The following MZT1 variants were observed in gnomAD, a reference collection of about 807,000 sequenced individuals.
MZT1 encodes mitotic-spindle organizing protein 1.
Under a neutral mutation model 8.5 loss-of-function variants are expected in MZT1, and 8 were observed. That is an observed-to-expected ratio of 0.94 (90% CI 0.55 to 1.70). The LOEUF is 1.70. Among genes scored for constraint, MZT1 ranks in the 40% most tolerant of loss-of-function variants. The pLI is 0.00. For missense variants in MZT1, 93 were observed against 108.6 expected, an observed-to-expected ratio of 0.86 and a Z score of 0.64; for synonymous variants, 38 against 42.0, an observed-to-expected ratio of 0.90 and a Z score of 0.37.
chr13:72,725,427 CTTTCA>C (rs1441998302), intron 1 of MZT1, among the ~76,000 whole-genome samples: 1 of 152,160 alleles, frequency 6.6e-6, no homozygotes, highest in Non-Finnish European at 1.5e-5. Flanking sequence ...TAACAAAATC[CTTTCA>C]TTTCATGATC....
chr13:72,715,223 C>T (rs1049880003), intron 2 of MZT1, among the ~76,000 whole-genome samples: 6 of 152,184 alleles, frequency 3.9e-5, no homozygotes, highest in African/African-American at 1.2e-4. Flanking sequence ...AATGACTACC[C>T]TGCTGGGTTT....
intron 1 of MZT1, among the ~76,000 whole-genome samples, chr13:72,720,925 T>C (rs1593798421): frequency 3.4e-5 from 2 of 59,308 alleles, no homozygotes; most frequent in South Asian, 1.1e-3. Context: ...AGCAGTTCAA[T>C]TTGAGTCTTA....
intron 2 of MZT1, among the ~76,000 whole-genome samples, chr13:72,715,678 C>G (rs761776418): frequency 6.6e-6 from 1 of 152,116 alleles, no homozygotes; most frequent in Admixed American, 6.5e-5. Context: ...GTGCTGTACT[C>G]GCTAAAGTGA....
At chr13:72,720,779 T>C (rs1282497121) in intron 1 of MZT1, among the ~76,000 whole-genome samples, 1 of 152,152 alleles carries the variant, frequency 6.6e-6, no homozygotes, top group Non-Finnish European at 1.5e-5. Flanking sequence ...TCCCAGCTAC[T>C]TGGAAGACTG....
At position 72,727,571 on chromosome 13, in the gene MZT1, G is replaced by GCCGCCGCCCCAGCA; in HGVS notation, c.18_31dup (p.Ala11ValfsTer13). On this transcript the variant is annotated frameshift_variant, in exon 1 of 3. Coordinates refer to ENST00000377818, the MANE Select transcript of MZT1 (RefSeq NM_001071775.3). LOFTEE classifies it high-confidence loss of function. ...ATTCAGATTCGCCGCCGCGGCCGCCGCCGCCGCCCCAGCACCGCTGCTACT... is the reference window on the plus strand; with the variant it reads ...ATTCAGATTCGCCGCCGCGGCCGCCGCCGCCGCCCCAGCACCGCCGCCCCAGCACCGCTGCTACT... 2.5e-6 allele frequency: 4 copies of GCCGCCGCCCCAGCA among 1,596,740 alleles called. No homozygotes were observed. The highest frequency in any genetic ancestry group is 3.4e-6 in the Non-Finnish European group (4 of 1,168,858).
At chr13:72,711,275 G>T (rs1332851788) in intron 2 of MZT1, among the ~76,000 whole-genome samples, 4 of 152,126 alleles carry the variant, frequency 2.6e-5, no homozygotes, top group African/African-American at 9.7e-5. Flanking sequence ...TGTCAATAAA[G>T]AATCACTAAT....
chr13:72,721,234 T>C (rs1190040237), intron 1 of MZT1, among the ~76,000 whole-genome samples: 1 of 152,206 alleles, frequency 6.6e-6, no homozygotes, highest in African/African-American at 2.4e-5. Context: ...TATTACTTCT[T>C]AGATCTGTTA....
At chr13:72,721,206 T>C (rs1342124271) in intron 1 of MZT1, among the ~76,000 whole-genome samples, 1 of 152,234 alleles carries the variant, frequency 6.6e-6, no homozygotes, top group Non-Finnish European at 1.5e-5. Context: ...TATCTGGAAA[T>C]GGTTTGATCC....
intron 2 of MZT1, among the ~76,000 whole-genome samples, chr13:72,715,060 C>T (rs1049954139): frequency 2.6e-5 from 4 of 152,316 alleles, no homozygotes; most frequent in East Asian, 1.9e-4. Flanking sequence ...AGACACTCAA[C>T]AATGCCAGCC....
At chr13:72,723,611 C>T (rs2032610208) in intron 1 of MZT1, among the ~76,000 whole-genome samples, 1 of 152,078 alleles carries the variant, frequency 6.6e-6, no homozygotes, top group Non-Finnish European at 1.5e-5. Context: ...GGTCCCATCC[C>T]CAAGATATCT....
Position 72,727,614 on chromosome 13 carries a change from A to T in MZT1, c.-12T>A, listed in dbSNP as rs2032695743. 1.9e-6 allele frequency: 3 copies of T among 1,584,422 alleles called. No homozygotes were observed. Among genetic ancestry groups the T allele is most frequent in the Non-Finnish European group, 2.6e-6 (3 of 1,164,980 alleles). On this transcript the variant is annotated 5_prime_UTR_variant, in exon 1 of 3. Transcript: ENST00000377818. ...CTGCTACTCGCCATGGCTAAGGCCGAGGGAGGCGGGAGAAGGGCCTGACCC... is the reference window on the plus strand; with the variant it reads ...CTGCTACTCGCCATGGCTAAGGCCGTGGGAGGCGGGAGAAGGGCCTGACCC...
At chr13:72,715,843 C>CT (rs1302927789) in intron 2 of MZT1, among the ~76,000 whole-genome samples, 1 of 152,142 alleles carries the variant, frequency 6.6e-6, no homozygotes, top group Non-Finnish European at 1.5e-5. Context: ...TGCCACTATG[C>CT]TTTCTATACA....
At chr13:72,719,168 A>G in intron 1 of MZT1, 71 bp from the exon 2 acceptor site, 1 of 1,209,926 alleles carries the variant, frequency 8.3e-7, no homozygotes, top group Non-Finnish European at 1.1e-6. Context: ...TAGTACTTTC[A>G]TTAATTTATA....
intron 1 of MZT1, among the ~76,000 whole-genome samples, chr13:72,725,514 G>A (rs1032423504): frequency 1.3e-5 from 2 of 152,122 alleles, no homozygotes; most frequent in African/African-American, 2.4e-5. Flanking sequence ...CTACCATTGA[G>A]GGGAGAAATG....
chr13:72,711,430 C>G (rs1418586889), intron 2 of MZT1, among the ~76,000 whole-genome samples: 2 of 152,048 alleles, frequency 1.3e-5, no homozygotes, highest in Non-Finnish European at 2.9e-5. Flanking sequence ...CATCAATATA[C>G]AAATCTGTGA....
intron 1 of MZT1, among the ~76,000 whole-genome samples, chr13:72,720,715 C>A (rs751986128): frequency 2.6e-5 from 4 of 152,052 alleles, no homozygotes; most frequent in African/African-American, 7.2e-5. Context: ...ATGGAGAAAC[C>A]CCGTCTCTAC....
intron 2 of MZT1, among the ~76,000 whole-genome samples, chr13:72,712,530 G>A (rs1454809533): frequency 6.6e-6 from 1 of 152,204 alleles, no homozygotes; most frequent in Non-Finnish European, 1.5e-5. Flanking sequence ...GAGGCTTTGT[G>A]TATGTGAGAG....
At chr13:72,711,589 A>C (rs1593795223) in intron 2 of MZT1, among the ~76,000 whole-genome samples, 1 of 152,170 alleles carries the variant, frequency 6.6e-6, no homozygotes, top group African/African-American at 2.4e-5. Flanking sequence ...ATTCCAAAAA[A>C]AGAGACAATA....
intron 2 of MZT1, among the ~76,000 whole-genome samples, chr13:72,718,289 G>A (rs764139357): frequency 6.6e-6 from 1 of 152,128 alleles, no homozygotes; most frequent in Non-Finnish European, 1.5e-5. Flanking sequence ...CCTAATCCAG[G>A]ATGACCTCAT....
Sources: allele counts gnomAD v4.1 joint callset (sites outside exome capture counted in the v4.1 genomes callset), GRCh38; gene constraint gnomAD v4.1.1; transcripts MANE v1.5; gene names NCBI Gene and HGNC (gene_info 2026-07-23, HGNC 2026-07-21).